KIR3DL3: variants seen among roughly 807,000 people sequenced by gnomAD.
KIR3DL3 encodes killer cell immunoglobulin like receptor, three Ig domains and long cytoplasmic tail 3.
Under a neutral mutation model 34.9 loss-of-function variants are expected in KIR3DL3, and 27 were observed. The observed-to-expected ratio is 0.77, with a 90% CI of 0.57 to 1.07. The LOEUF (loss-of-function observed/expected upper bound fraction) is 1.07. Ranked by LOEUF, KIR3DL3 falls within the 50% of genes least tolerant of loss-of-function variation. The pLI, the probability that KIR3DL3 is intolerant of heterozygous loss-of-function variation, is 0.00. For synonymous variants in KIR3DL3, 217 were observed against 200.2 expected, an observed-to-expected ratio of 1.08 and a Z score of -0.71; for missense variants, 681 against 528.5, an observed-to-expected ratio of 1.29 and a Z score of -2.83.
chr19:54,726,927 C>T (rs590524), intron 3 of KIR3DL3, among the ~76,000 whole-genome samples: 7,088 of 119,984 alleles, frequency 0.059, 402 homozygotes, highest in Non-Finnish European at 0.096. Flanking sequence ...GTATTCTCTC[C>T]TGCCCCATGT....
In KIR3DL3 at chr19:54,736,136, C is replaced by T. The variant is rs759151899; in HGVS notation, c.*40C>T. The T allele has an allele frequency of 6.2e-7, 1 of 1,606,756 alleles. No individual in the cohort carries two copies. The highest frequency in any genetic ancestry group is 1.7e-5 in the Admixed American group (1 of 59,014). On this transcript the variant is annotated 3_prime_UTR_variant, in exon 8 of 8. Transcript: ENST00000291860. Reference sequence around the variant, plus strand: ...ATGCTGAGCGCAGATCCAAAGTTGTCTTCTGTCCACTAGCACCACAGTCAG... The same window carrying T: ...ATGCTGAGCGCAGATCCAAAGTTGTTTTCTGTCCACTAGCACCACAGTCAG...
At chr19:54,735,422 C>G (rs1182930952) in intron 6 of KIR3DL3, 65 bp downstream of exon 6, 12 of 795,188 alleles carry the variant, frequency 1.5e-5, no homozygotes, top group Non-Finnish European at 2.6e-5. Flanking sequence ...TGGGAGCACT[C>G]AGGTGTGTGT....
chr19:54,728,386 G>A (rs1177922351), intron 4 of KIR3DL3, among the ~76,000 whole-genome samples: 2 of 147,830 alleles, frequency 1.4e-5, no homozygotes, highest in Non-Finnish European at 3.0e-5. Context: ...TCCGTGCAGT[G>A]GAGCTGTCAT....
At chr19:54,732,257 T>C (rs1415354756) in intron 5 of KIR3DL3, among the ~76,000 whole-genome samples, 1 of 82,784 alleles carries the variant, frequency 1.2e-5, no homozygotes, top group African/African-American at 4.2e-5. Context: ...TTTTTTGTTT[T>C]CTTTTTTTTT....
At chr19:54,729,927 G>A (rs1235088199) in intron 5 of KIR3DL3, 141 bp downstream of exon 5, 10 of 561,066 alleles carry the variant, frequency 1.8e-5, no homozygotes, top group African/African-American at 1.7e-4. Context: ...TCAGGGCGCA[G>A]GATGGCAGAC....
chr19:54,732,100 A>T (rs1468650327), intron 5 of KIR3DL3, among the ~76,000 whole-genome samples: 3 of 152,172 alleles, frequency 2.0e-5, no homozygotes, highest in Non-Finnish European at 4.4e-5. Flanking sequence ...GGTAAACAGG[A>T]TGCATTTGGC....
chr19:54,732,558 G>A (rs1600212795), intron 5 of KIR3DL3, among the ~76,000 whole-genome samples: 1 of 152,094 alleles, frequency 6.6e-6, no homozygotes, highest in Non-Finnish European at 1.5e-5. Context: ...CGCCCAGCCA[G>A]GATTTAAAAT....
In KIR3DL3 at chr19:54,735,785, C is replaced by T. The variant is rs528757058; in HGVS notation, c.1055-35C>T. On this transcript the variant is annotated intron_variant, in intron 6 of 7. Transcript: ENST00000291860. ...TATGAAATGAGGACCCAGAAGTGCC[C>T]TCCGAGCTGTTTTGACGACTTCCGT... The T allele has an allele frequency of 2.5e-6, 4 of 1,606,612 alleles. No homozygotes were observed. The African/African-American group carries it at 5.5e-5, about 22-fold the overall frequency.
intron 5 of KIR3DL3, among the ~76,000 whole-genome samples, chr19:54,732,608 G>T (rs1212335921): frequency 6.6e-6 from 1 of 152,184 alleles, no homozygotes; most frequent in African/African-American, 2.4e-5. Flanking sequence ...TCAGGTGACA[G>T]AGAAGGTCTC....
chr19:54,726,999 T>C (rs2068255547), intron 3 of KIR3DL3, among the ~76,000 whole-genome samples: 1 of 122,904 alleles, frequency 8.1e-6, no homozygotes, highest in Non-Finnish European at 1.8e-5. Context: ...GAAGCACAGG[T>C]TAAGAAACCA....
At chr19:54,735,445 G>C in intron 6 of KIR3DL3, 88 bp downstream of exon 6, 1 of 670,040 alleles carries the variant, frequency 1.5e-6, no homozygotes, top group East Asian at 2.6e-5. Flanking sequence ...CTCACAGACT[G>C]GATGGTCCCT....
At chr19:54,734,849 G>C (rs2069277357) in intron 5 of KIR3DL3, among the ~76,000 whole-genome samples, 1 of 131,586 alleles carries the variant, frequency 7.6e-6, no homozygotes, top group Admixed American at 7.8e-5. Flanking sequence ...CCAAGGGGGA[G>C]GGGGAGCGAT....
intron 1 of KIR3DL3, among the ~76,000 whole-genome samples, chr19:54,725,034 G>A (rs1356814460): frequency 6.9e-6 from 1 of 144,496 alleles, no homozygotes; most frequent in Admixed American, 6.9e-5. Context: ...GGCCTGGAGT[G>A]TAGATATGGG....
At chr19:54,734,490 A>AGCC (rs2069212764) in intron 5 of KIR3DL3, among the ~76,000 whole-genome samples, 1 of 151,948 alleles carries the variant, frequency 6.6e-6, no homozygotes, top group Non-Finnish European at 1.5e-5. Flanking sequence ...ATCAAAAAGC[A>AGCC]GCCCAGCCTG....
rs2146901613 is a variant in KIR3DL3, at chr19:54,736,113, G to A, written c.*17G>A. 1.2e-6 allele frequency: 2 copies of A among 1,611,668 alleles called. No individual in the cohort carries two copies. Among genetic ancestry groups the A allele is most frequent in the Non-Finnish European group, 1.7e-6 (2 of 1,179,572 alleles). On this transcript the variant is annotated 3_prime_UTR_variant, in exon 8 of 8. Coordinates refer to ENST00000291860, the MANE Select transcript of KIR3DL3 (RefSeq NM_153443.5). ...AGCGTGTAACACGGAACTTCCAAAT[G>A]CTGAGCGCAGATCCAAAGTTGTCTT...
chr19:54,728,793 A>G (rs2146792514), intron 4 of KIR3DL3, among the ~76,000 whole-genome samples: 1 of 150,284 alleles, frequency 6.7e-6, no homozygotes, highest in South Asian at 2.2e-4. Context: ...GGAACTAGAG[A>G]GACTGAGAGG....
intron 4 of KIR3DL3, among the ~76,000 whole-genome samples, chr19:54,728,949 G>A (rs1364866253): frequency 2.7e-5 from 4 of 148,982 alleles, no homozygotes; most frequent in Admixed American, 6.9e-5. Context: ...GATATAGATA[G>A]ACAAGTAGAA....
chr19:54,729,836 C>G, intron 5 of KIR3DL3, 50 bp downstream of exon 5: 3 of 1,536,154 alleles, frequency 2.0e-6, no homozygotes, highest in African/African-American at 1.4e-5. Flanking sequence ...AGAGCCATAG[C>G]TGAGGAGCTT....
chr19:54,724,596 C>T, intron 1 of KIR3DL3, 66 bp downstream of exon 1: 1 of 1,294,730 alleles, frequency 7.7e-7, no homozygotes, highest in East Asian at 2.4e-5. Flanking sequence ...GAGTGGAGAT[C>T]TGGGCCTGGA....
Sources: gnomAD v4.1 joint callset for allele counts (sites outside exome capture counted in the v4.1 genomes callset) on GRCh38, gnomAD v4.1.1 for gene constraint, MANE v1.5 for transcripts, NCBI Gene and HGNC (gene_info 2026-07-23, HGNC 2026-07-21) for gene names.